SKAP1: variants seen among roughly 807,000 people sequenced by gnomAD.
SKAP1 encodes src kinase-associated phosphoprotein 1.
A neutral mutation model predicts 58.5 loss-of-function variants in SKAP1; 44 were observed. The ratio of observed to expected loss-of-function variants is 0.75; its 90% confidence interval spans 0.59 to 0.97. The LOEUF (loss-of-function observed/expected upper bound fraction) is 0.97, where lower values mean the gene tolerates loss of function less well. SKAP1 is among the 50% of genes least tolerant of loss of function. The pLI, the probability that SKAP1 is intolerant of heterozygous loss-of-function variation, is 0.00. For synonymous variants in SKAP1, 127 were observed against 149.7 expected (o/e 0.85, Z 1.11); for missense variants, 390 against 435.2 (o/e 0.90, Z 0.92).
At position 48,360,722 on chromosome 17, in the gene SKAP1, A is replaced by G. The variant is rs2066925052; in HGVS notation, c.178+3067T>C. Among the ~76,000 whole-genome samples, 3 of 152,062 alleles carry G rather than the reference A, an allele frequency of 2.0e-5. 1 individual carries two copies. In the South Asian group the frequency reaches 6.2e-4, roughly 32 times the overall value. On this transcript the variant is annotated intron_variant, in intron 3 of 12. Transcript: ENST00000336915. ...TAATGTATTCTTTGGATCATGTTTTATTTTCCCTGTTTCCTTTTTAAAATA... is the reference window on the plus strand; with the variant it reads ...TAATGTATTCTTTGGATCATGTTTTGTTTTCCCTGTTTCCTTTTTAAAATA...
intron 1 of SKAP1, among the ~76,000 whole-genome samples, chr17:48,420,795 C>T (rs895249204): frequency 2.0e-5 from 3 of 152,130 alleles, no homozygotes; most frequent in Non-Finnish European, 2.9e-5. Flanking sequence ...ATTGACAATT[C>T]GGGCTGGATG....
intron 4 of SKAP1, among the ~76,000 whole-genome samples, chr17:48,276,562 G>T (rs973459915): frequency 2.0e-5 from 3 of 152,178 alleles, no homozygotes; most frequent in Non-Finnish European, 4.4e-5. Flanking sequence ...CTGCTATAAT[G>T]ATGAGGTCTC....
intron 4 of SKAP1, among the ~76,000 whole-genome samples, chr17:48,311,968 C>T (rs149755761): frequency 6.6e-6 from 1 of 152,284 alleles, no homozygotes; most frequent in African/African-American, 2.4e-5. Flanking sequence ...CAAATGCTTT[C>T]TTGTCCTATT....
chr17:48,168,062 T>C (rs1002028839), intron 10 of SKAP1, among the ~76,000 whole-genome samples: 2 of 152,196 alleles, frequency 1.3e-5, no homozygotes, highest in African/African-American at 4.8e-5. Flanking sequence ...AAGGCTGTGA[T>C]AGATTTTCTA....
intron 4 of SKAP1, among the ~76,000 whole-genome samples, chr17:48,230,413 C>A (rs1210480262): frequency 6.6e-6 from 1 of 152,068 alleles, no homozygotes; most frequent in Non-Finnish European, 1.5e-5. Context: ...GAAGATCATG[C>A]CTGGCAAAAA....
intron 2 of SKAP1, among the ~76,000 whole-genome samples, chr17:48,365,775 G>A (rs1433946448): frequency 4.4e-5 from 5 of 113,450 alleles, no homozygotes; most frequent in African/African-American, 2.0e-4. Flanking sequence ...GATGTGCGTC[G>A]GAGCTTTTTT....
At chr17:48,340,371 GA>G (rs1321664039) in intron 4 of SKAP1, among the ~76,000 whole-genome samples, 3 of 151,470 alleles carry the variant, frequency 2.0e-5, no homozygotes, top group Admixed American at 1.3e-4. Flanking sequence ...ACAAAACATG[GA>G]AAAAAATGAA....
At chr17:48,441,624 C>T in the SKAP1 span, among the ~76,000 whole-genome samples, 2 of 152,122 alleles carry the variant, frequency 1.3e-5, no homozygotes, top group African/African-American at 2.4e-5. Context: ...TGTCTCCACC[C>T]AGGCCATACT....
At chr17:48,197,862 T>C (rs938815171) in intron 4 of SKAP1, among the ~76,000 whole-genome samples, 14 of 152,178 alleles carry the variant, frequency 9.2e-5, no homozygotes, top group Non-Finnish European at 1.9e-4. Context: ...CACATGCTAA[T>C]TGTCTAGGAG....
At chr17:48,198,380 G>A (rs1286622195) in intron 4 of SKAP1, among the ~76,000 whole-genome samples, 1 of 149,530 alleles carries the variant, frequency 6.7e-6, no homozygotes, top group Non-Finnish European at 1.5e-5. Context: ...GCATGAACCC[G>A]GGAGGCGGAG....
chr17:48,437,028 C>T, the SKAP1 span, among the ~76,000 whole-genome samples: 2 of 152,158 alleles, frequency 1.3e-5, no homozygotes, highest in Non-Finnish European at 2.9e-5. Flanking sequence ...AGGTATTCGC[C>T]AGAGTTTCTA....
At chr17:48,340,318 C>A (rs1452296407) in intron 4 of SKAP1, among the ~76,000 whole-genome samples, 1 of 151,998 alleles carries the variant, frequency 6.6e-6, no homozygotes, top group Non-Finnish European at 1.5e-5. Flanking sequence ...TCAATTAGAG[C>A]TCTTTTTAAG....
intron 2 of SKAP1, among the ~76,000 whole-genome samples, chr17:48,373,347 C>T (rs192312244): frequency 3.0e-4 from 45 of 152,242 alleles, no homozygotes; most frequent in Admixed American, 8.5e-4. Flanking sequence ...TCTGCTCCCA[C>T]GATCTAATCA....
chr17:48,152,897 C>T (rs1317854699), intron 11 of SKAP1, among the ~76,000 whole-genome samples: 1 of 152,214 alleles, frequency 6.6e-6, no homozygotes, highest in Non-Finnish European at 1.5e-5. Context: ...TGTAAAGCAT[C>T]GGGCAATTCT....
intron 1 of SKAP1, among the ~76,000 whole-genome samples, chr17:48,397,288 T>C (rs2067433984): frequency 6.6e-6 from 1 of 152,184 alleles, no homozygotes; most frequent in African/African-American, 2.4e-5. Context: ...TGCAGTGGCG[T>C]CATCTTGGCT....
chr17:48,212,530 C>A (rs970427483), intron 4 of SKAP1, among the ~76,000 whole-genome samples: 2 of 152,068 alleles, frequency 1.3e-5, no homozygotes, highest in Admixed American at 6.5e-5. Context: ...AATTTCACAC[C>A]CAAATTTGCT....
chr17:48,278,569 C>G (rs1222222480), intron 4 of SKAP1, among the ~76,000 whole-genome samples: 1 of 151,960 alleles, frequency 6.6e-6, no homozygotes, highest in Non-Finnish European at 1.5e-5. Flanking sequence ...GAAGAATGGC[C>G]AAGAGTGAAT....
At chr17:48,340,296 G>A (rs1389933462) in intron 4 of SKAP1, among the ~76,000 whole-genome samples, 5 of 152,054 alleles carry the variant, frequency 3.3e-5, no homozygotes. Flanking sequence ...CATTAAGAGG[G>A]GGTCTTTTTA....
chr17:48,359,430 T>G (rs1429421183), intron 3 of SKAP1, among the ~76,000 whole-genome samples: 1 of 152,178 alleles, frequency 6.6e-6, no homozygotes, highest in Non-Finnish European at 1.5e-5. Context: ...GTGTTCAAAT[T>G]TCTAATTCTC....
Sources: allele counts gnomAD v4.1 joint callset (sites outside exome capture counted in the v4.1 genomes callset), GRCh38; gene constraint gnomAD v4.1.1; transcripts MANE v1.5; gene names NCBI Gene and HGNC (gene_info 2026-07-23, HGNC 2026-07-21).